The following RBMS3 variants were observed in gnomAD, a reference collection of about 807,000 sequenced individuals.
RBMS3 encodes RNA-binding motif, single-stranded-interacting protein 3.
RBMS3 carries 27 observed loss-of-function variants against 66.8 expected under a neutral mutation model. The ratio of observed to expected loss-of-function variants is 0.40; its 90% confidence interval spans 0.30 to 0.56. RBMS3 has a LOEUF of 0.56. Among genes scored for constraint, RBMS3 ranks in the 20% least tolerant of loss-of-function variants. The pLI, the probability that RBMS3 is intolerant of heterozygous loss-of-function variation, is 0.40. For missense variants in RBMS3, 513 were observed against 549.5 expected, an observed-to-expected ratio of 0.93 and a Z score of 0.66; for synonymous variants, 188 against 183.0, an observed-to-expected ratio of 1.03 and a Z score of -0.22.
chr3:29,840,482 G>T (rs2058634902), intron 6 of RBMS3, among the ~76,000 whole-genome samples: 1 of 151,866 alleles, frequency 6.6e-6, no homozygotes. Flanking sequence ...AAATCCTTCT[G>T]CATTTCCTAT....
chr3:29,517,433 C>T (rs541321070), intron 3 of RBMS3, among the ~76,000 whole-genome samples: 59 of 151,964 alleles, frequency 3.9e-4, no homozygotes, highest in African/African-American at 1.4e-3. Flanking sequence ...CGCCATTCTC[C>T]TGCCTTAGCC....
intron 6 of RBMS3, among the ~76,000 whole-genome samples, chr3:29,854,416 A>G (rs2059021838): frequency 6.6e-6 from 1 of 152,222 alleles, no homozygotes; most frequent in Non-Finnish European, 1.5e-5. Context: ...ACATAAAGCC[A>G]GTTTCTTCAG....
intron 2 of RBMS3, among the ~76,000 whole-genome samples, chr3:29,464,811 A>G (rs1453674555): frequency 6.6e-6 from 1 of 152,140 alleles, no homozygotes; most frequent in East Asian, 1.9e-4. Context: ...CTTCCAGCAT[A>G]GATGTATCCA....
intron 1 of RBMS3, among the ~76,000 whole-genome samples, chr3:29,377,784 A>AC (rs926489010): frequency 2.6e-5 from 4 of 152,048 alleles, no homozygotes; most frequent in Non-Finnish European, 4.4e-5. Flanking sequence ...CTGATATATG[A>AC]CCCCCAATAC....
intron 3 of RBMS3, among the ~76,000 whole-genome samples, chr3:29,505,063 T>G (rs1302060140): frequency 6.6e-6 from 1 of 152,100 alleles, no homozygotes; most frequent in African/African-American, 2.4e-5. Flanking sequence ...CAGTTTGATG[T>G]AGTCCCATTC....
chr3:29,920,756 T>A (rs1285677019), intron 10 of RBMS3, among the ~76,000 whole-genome samples: 2 of 151,276 alleles, frequency 1.3e-5, no homozygotes, highest in Non-Finnish European at 2.9e-5. Context: ...CAGGCAGATC[T>A]CGAGGTCAGG....
In RBMS3 at chr3:29,944,259, G is replaced by A. The variant is rs2149704464; in HGVS notation, c.1098+5G>A. 3.2e-6 allele frequency: 5 copies of A among 1,581,240 alleles called. No individual in the cohort carries two copies. The highest frequency in any genetic ancestry group is 3.3e-4 in the Middle Eastern group (2 of 5,980). ...CTCCACCAGCTGTTGTGTCAGGTAG[G>A]AAAATTCTAATTCTTTTAAGACTGG... On this transcript the variant is annotated splice_donor_5th_base_variant and intron_variant, in intron 12 of 14. Coordinates refer to ENST00000383767, the MANE Select transcript of RBMS3 (RefSeq NM_001003793.3).
intron 1 of RBMS3, among the ~76,000 whole-genome samples, chr3:29,366,107 A>C (rs1311343630): frequency 6.6e-6 from 1 of 152,150 alleles, no homozygotes; most frequent in African/African-American, 2.4e-5. Flanking sequence ...TATGCATATA[A>C]ATTTGAGACA....
chr3:29,907,406 C>T (rs2060406507), intron 10 of RBMS3, among the ~76,000 whole-genome samples: 1 of 152,012 alleles, frequency 6.6e-6, no homozygotes, highest in South Asian at 2.1e-4. Flanking sequence ...TATTTCTTAT[C>T]ATAATGGATA....
intron 6 of RBMS3, among the ~76,000 whole-genome samples, chr3:29,797,247 C>A (rs2057233202): frequency 6.6e-6 from 1 of 152,228 alleles, no homozygotes; most frequent in South Asian, 2.1e-4. Flanking sequence ...TCTGCATCAG[C>A]ACTTGTTTCT....
intron 1 of RBMS3, among the ~76,000 whole-genome samples, chr3:29,320,486 T>C (rs1228008023): frequency 6.6e-6 from 1 of 152,068 alleles, no homozygotes; most frequent in East Asian, 1.9e-4. Context: ...GGCATATTAA[T>C]GGAGAAATTC....
intron 6 of RBMS3, among the ~76,000 whole-genome samples, chr3:29,798,936 T>TG (rs1286087805): frequency 6.6e-6 from 1 of 151,540 alleles, no homozygotes; most frequent in Non-Finnish European, 1.5e-5. Flanking sequence ...CTGGTTTTTT[T>TG]TTTTTTTTTT....
At chr3:29,597,884 A>G (rs1404684996) in intron 4 of RBMS3, among the ~76,000 whole-genome samples, 1 of 152,130 alleles carries the variant, frequency 6.6e-6, no homozygotes, top group Non-Finnish European at 1.5e-5. Flanking sequence ...TGGAAATTAT[A>G]TTCACATATC....
chr3:29,652,833 A>T (rs1016599986), intron 4 of RBMS3, among the ~76,000 whole-genome samples: 3 of 152,166 alleles, frequency 2.0e-5, no homozygotes, highest in African/African-American at 7.2e-5. Flanking sequence ...CTTCACAAGT[A>T]TTGATGTTCT....
intron 4 of RBMS3, among the ~76,000 whole-genome samples, chr3:29,673,745 A>T (rs899032307): frequency 2.6e-5 from 4 of 152,186 alleles, no homozygotes; most frequent in African/African-American, 9.6e-5. Flanking sequence ...CAGGCTCTGA[A>T]ATTGAGGCAA....
intron 4 of RBMS3, among the ~76,000 whole-genome samples, chr3:29,716,306 CATACA>C (rs2053390841): frequency 6.6e-6 from 1 of 152,082 alleles, no homozygotes; most frequent in Non-Finnish European, 1.5e-5. Flanking sequence ...TGCTTATTAC[CATACA>C]ATGGTGTTGA....
intron 10 of RBMS3, among the ~76,000 whole-genome samples, chr3:29,910,078 T>A (rs923517266): frequency 2.0e-5 from 3 of 152,092 alleles, no homozygotes; most frequent in Admixed American, 2.0e-4. Context: ...TGATGTTACT[T>A]CCTTAATAGC....
intron 3 of RBMS3, among the ~76,000 whole-genome samples, chr3:29,489,476 A>C (rs1157453854): frequency 6.6e-6 from 1 of 152,040 alleles, no homozygotes; most frequent in African/African-American, 2.4e-5. Context: ...CATAGATTCA[A>C]GTCCTAGTTA....
chr3:29,802,837 T>C (rs1404591781), intron 6 of RBMS3, among the ~76,000 whole-genome samples: 1 of 152,192 alleles, frequency 6.6e-6, no homozygotes, highest in Admixed American at 6.6e-5. Flanking sequence ...TTGTAACATT[T>C]ATAAAATGGG....
Sources: allele counts gnomAD v4.1 joint callset (sites outside exome capture counted in the v4.1 genomes callset), GRCh38; gene constraint gnomAD v4.1.1; transcripts MANE v1.5; gene names NCBI Gene and HGNC (gene_info 2026-07-23, HGNC 2026-07-21).